NELL2: variants seen among roughly 807,000 people sequenced by gnomAD.
The protein encoded by NELL2 is protein kinase C-binding protein NELL2.
In NELL2, 41 loss-of-function variants were observed where a neutral mutation model predicts 109.6. The ratio of observed to expected loss-of-function variants is 0.37; its 90% CI spans 0.29 to 0.49. NELL2 has a LOEUF of 0.49. NELL2 is among the 20% of genes least tolerant of loss of function. The pLI is 0.98. For missense variants in NELL2, 900 were observed against 1,008.3 expected (o/e 0.89, Z 1.45); for synonymous variants, 355 against 344.7 (o/e 1.03, Z -0.33).
At chr12:44,874,358 A>G (rs994498493) in intron 2 of NELL2, among the ~76,000 whole-genome samples, 4 of 152,204 alleles carry the variant, frequency 2.6e-5, no homozygotes, top group Non-Finnish European at 5.9e-5. Context: ...TTCACCATAC[A>G]TGAATCTAGT....
chr12:44,602,870 A>C (rs1945268869), intron 15 of NELL2, among the ~76,000 whole-genome samples: 1 of 152,210 alleles, frequency 6.6e-6, no homozygotes, highest in Non-Finnish European at 1.5e-5. Context: ...AGGAAATGTA[A>C]TAGTTTGACA....
intron 2 of NELL2, among the ~76,000 whole-genome samples, chr12:44,865,299 A>T (rs558476924): frequency 2.1e-4 from 30 of 144,274 alleles, no homozygotes; most frequent in African/African-American, 7.5e-4. Context: ...GGTTGCAAAA[A>T]TTTTCTCCCA....
At chr12:44,865,127 T>C (rs867756380) in intron 2 of NELL2, among the ~76,000 whole-genome samples, 4 of 125,540 alleles carry the variant, frequency 3.2e-5, no homozygotes, top group Admixed American at 8.4e-5. Flanking sequence ...CCAGTGATGA[T>C]GAGCATTTTT....
At chr12:44,742,672 C>T (rs1045359297) in intron 9 of NELL2, among the ~76,000 whole-genome samples, 7 of 151,838 alleles carry the variant, frequency 4.6e-5, no homozygotes, top group African/African-American at 1.5e-4. Context: ...CCTCAGTAGC[C>T]GATGCGATCA....
intron 3 of NELL2, among the ~76,000 whole-genome samples, chr12:44,790,002 G>T (rs184041030): frequency 6.6e-6 from 1 of 152,220 alleles, no homozygotes; most frequent in Non-Finnish European, 1.5e-5. Flanking sequence ...CCTAAGAATA[G>T]TTGGTGTTCT....
intron 9 of NELL2, among the ~76,000 whole-genome samples, chr12:44,740,837 A>G (rs1049729017): frequency 1.3e-5 from 2 of 152,224 alleles, no homozygotes; most frequent in African/African-American, 2.4e-5. Context: ...CACCAGAAGC[A>G]CAGCATATGT....
chr12:44,640,500 C>T (rs554141686), intron 13 of NELL2, among the ~76,000 whole-genome samples: 1 of 152,100 alleles, frequency 6.6e-6, no homozygotes, highest in Non-Finnish European at 1.5e-5. Context: ...TAATAAACAA[C>T]CATACTAACA....
intron 2 of NELL2, among the ~76,000 whole-genome samples, chr12:44,856,102 TG>T (rs1944676262): frequency 6.6e-6 from 1 of 152,240 alleles, no homozygotes; most frequent in African/African-American, 2.4e-5. Flanking sequence ...TGTGCAACCA[TG>T]GTAGGCCAGG....
chr12:44,853,782 A>G (rs1357490351), intron 2 of NELL2, among the ~76,000 whole-genome samples: 1 of 152,178 alleles, frequency 6.6e-6, no homozygotes, highest in Non-Finnish European at 1.5e-5. Flanking sequence ...TATACTTTAA[A>G]TAAATCTATT....
intron 15 of NELL2, among the ~76,000 whole-genome samples, chr12:44,549,599 C>T (rs1565908537): frequency 6.6e-6 from 1 of 152,120 alleles, no homozygotes; most frequent in Admixed American, 6.5e-5. Context: ...ATACAAAAAT[C>T]AGTTGCATTT....
upstream of NELL2, chr12:44,876,969 G>A: frequency 9.3e-7 from 1 of 1,073,832 alleles, no homozygotes; most frequent in African/African-American, 1.6e-5. Flanking sequence ...GGCGCGGAGA[G>A]CGCAGAGAAC....
At chr12:44,811,224 T>C (rs1418728164) in intron 3 of NELL2, among the ~76,000 whole-genome samples, 1 of 150,948 alleles carries the variant, frequency 6.6e-6, no homozygotes, top group African/African-American at 2.4e-5. Flanking sequence ...TACCTAGTGC[T>C]TGCAGGGCTT....
intron 9 of NELL2, among the ~76,000 whole-genome samples, chr12:44,774,395 TTTC>T (rs1941668235): frequency 6.6e-6 from 1 of 152,204 alleles, no homozygotes; most frequent in East Asian, 1.9e-4. Flanking sequence ...GTATCATGGA[TTTC>T]TTTGGTTATT....
intron 3 of NELL2, among the ~76,000 whole-genome samples, chr12:44,812,112 C>A (rs1190294140): frequency 6.6e-6 from 1 of 152,154 alleles, no homozygotes; most frequent in Non-Finnish European, 1.5e-5. Context: ...TTGGAAGTGA[C>A]TGAGTTACAT....
chr12:44,533,137 A>G (rs1230894630), intron 15 of NELL2, among the ~76,000 whole-genome samples: 1 of 152,158 alleles, frequency 6.6e-6, no homozygotes, highest in Non-Finnish European at 1.5e-5. Context: ...AGATCCTTTA[A>G]GATGCAGTGT....
At chr12:44,660,356 T>C (rs1947695380) in intron 13 of NELL2, among the ~76,000 whole-genome samples, 1 of 152,156 alleles carries the variant, frequency 6.6e-6, no homozygotes, top group African/African-American at 2.4e-5. Flanking sequence ...TTGTAAAGGA[T>C]GAAGATTAAT....
chr12:44,580,312 G>A (rs530778662), intron 15 of NELL2, among the ~76,000 whole-genome samples: 1 of 152,270 alleles, frequency 6.6e-6, no homozygotes, highest in South Asian at 2.1e-4. Context: ...TTGAGATTAA[G>A]TTGAGAGTAA....
chr12:44,570,347 T>C (rs1438833212), intron 15 of NELL2, among the ~76,000 whole-genome samples: 1 of 152,182 alleles, frequency 6.6e-6, no homozygotes, highest in East Asian at 1.9e-4. Context: ...CTCCACCATG[T>C]AGCCCTGTTA....
intron 13 of NELL2, among the ~76,000 whole-genome samples, chr12:44,618,275 A>C (rs1381567097): frequency 6.6e-6 from 1 of 152,168 alleles, no homozygotes; most frequent in Non-Finnish European, 1.5e-5. Context: ...GATTCTATTC[A>C]ATACTGACTT....
Sources: gnomAD v4.1 joint callset for allele counts (sites outside exome capture counted in the v4.1 genomes callset) on GRCh38, gnomAD v4.1.1 for gene constraint, MANE v1.5 for transcripts, NCBI Gene and HGNC (gene_info 2026-07-23, HGNC 2026-07-21) for gene names.